Variants in SI observed in about 807,000 individuals in gnomAD.
The protein encoded by SI is sucrase-isomaltase.
In SI, 235 loss-of-function variants were observed where a neutral mutation model predicts 253.3. The ratio of observed to expected loss-of-function variants is 0.93; its 90% CI spans 0.83 to 1.03. The LOEUF (loss-of-function observed/expected upper bound fraction) is 1.03, where lower values mean the gene tolerates loss of function less well. SI is among the 50% of genes least tolerant of loss of function. SI has a pLI of 0.00. For synonymous variants in SI, 819 were observed against 712.0 expected, an observed-to-expected ratio of 1.15 and a Z score of -2.39; for missense variants, 2,442 against 2,211.1, an observed-to-expected ratio of 1.10 and a Z score of -2.09.
intron 21 of SI, among the ~76,000 whole-genome samples, chr3:165,037,680 A>G (rs895742774): frequency 5.9e-5 from 9 of 151,858 alleles, no homozygotes; most frequent in African/African-American, 2.2e-4. Flanking sequence ...CAGGAAGTTA[A>G]CTTCTAAGTA....
intron 13 of SI, among the ~76,000 whole-genome samples, chr3:165,051,505 T>A (rs1713427284): frequency 6.6e-6 from 1 of 152,068 alleles, no homozygotes; most frequent in Non-Finnish European, 1.5e-5. Context: ...TTAATAATGG[T>A]ATACCATAGT....
chr3:164,982,912 A>G (rs749405401), intron 46 of SI, 90 bp downstream of exon 46: 23 of 1,269,834 alleles, frequency 1.8e-5, no homozygotes, highest in Admixed American at 8.2e-5. Flanking sequence ...CAGCCTCCCA[A>G]TGAACTAGGA....
At chr3:165,016,255 G>A (rs1719021539) in intron 31 of SI, among the ~76,000 whole-genome samples, 175 bp from the exon 32 acceptor site, 1 of 151,968 alleles carries the variant, frequency 6.6e-6, no homozygotes, top group African/African-American at 2.4e-5. Flanking sequence ...ATGTAAAGAT[G>A]TAAAGTATTC....
upstream of SI, among the ~76,000 whole-genome samples, chr3:165,081,770 C>T (rs1715335623): frequency 6.6e-6 from 1 of 151,794 alleles, no homozygotes; most frequent in African/African-American, 2.4e-5. Flanking sequence ...AGTTCTTTCT[C>T]CTAGAAGACA....
chr3:164,980,705 A>G (rs1717140041), intron 47 of SI, among the ~76,000 whole-genome samples: 1 of 152,006 alleles, frequency 6.6e-6, no homozygotes, highest in East Asian at 1.9e-4. Flanking sequence ...AATGTTTTTA[A>G]AGAGAATAGA....
intron 37 of SI, among the ~76,000 whole-genome samples, chr3:164,999,342 A>G (rs1258945089): frequency 6.6e-6 from 1 of 151,646 alleles, no homozygotes; most frequent in Non-Finnish European, 1.5e-5. Flanking sequence ...AAAAATAAGT[A>G]TTTTTATATC....
At chr3:165,036,083 T>A (rs1389970888) in intron 22 of SI, among the ~76,000 whole-genome samples, 1 of 151,862 alleles carries the variant, frequency 6.6e-6, no homozygotes, top group African/African-American at 2.4e-5. Context: ...GTTGAAAATA[T>A]AATGCAATTA....
intron 33 of SI, among the ~76,000 whole-genome samples, chr3:165,014,247 G>T (rs6789556): frequency 0.27 from 41,235 of 150,446 alleles, 5,952 homozygotes; most frequent in Middle Eastern, 0.33. Flanking sequence ...ATTTTTTTTT[G>T]TTGTTGTTGT....
At chr3:164,988,713 G>T (rs572295242) in intron 44 of SI, among the ~76,000 whole-genome samples, 1 of 152,254 alleles carries the variant, frequency 6.6e-6, no homozygotes, top group South Asian at 2.1e-4. Context: ...CAGAGACAGG[G>T]TCCTCTAGAA....
At chr3:165,070,411 AAC>A (rs1714502551) in intron 3 of SI, among the ~76,000 whole-genome samples, 2 of 147,176 alleles carry the variant, frequency 1.4e-5, no homozygotes, top group Admixed American at 1.4e-4. Flanking sequence ...TTTATACCCA[AAC>A]ACACATATAC....
At chr3:165,052,016 T>G (rs1366171924) in intron 13 of SI, among the ~76,000 whole-genome samples, 2 of 152,064 alleles carry the variant, frequency 1.3e-5, no homozygotes, top group Non-Finnish European at 2.9e-5. Flanking sequence ...GCAAAATTTT[T>G]TTTCATAATT....
rs1162602008 is a variant in SI, at chr3:165,000,007, TA to T, written c.4407-1335del. Among the ~76,000 whole-genome samples the T allele has an allele frequency of 5.9e-5, 9 of 151,380 alleles. No individual in the cohort carries two copies. In the South Asian group the frequency reaches 6.2e-4, roughly 10 times the overall value. On this transcript the variant is annotated intron_variant, in intron 37 of 47. Coordinates refer to ENST00000264382, the MANE Select transcript of SI (RefSeq NM_001041.4). ...TAATCTTTTAAATATACATTACATA[TA>T]TTTTTTTGAAATTTAATAAGAAATA...
At chr3:165,060,594 C>T (rs1278741367) in intron 9 of SI, among the ~76,000 whole-genome samples, 1 of 151,690 alleles carries the variant, frequency 6.6e-6, no homozygotes, top group Non-Finnish European at 1.5e-5. Context: ...TTCATTTCTT[C>T]CTCCTGGGGA....
At chr3:165,020,558 A>T (rs1051781676) in intron 27 of SI, among the ~76,000 whole-genome samples, 5 of 151,726 alleles carry the variant, frequency 3.3e-5, no homozygotes. Flanking sequence ...AAATATTGTC[A>T]TAACAACAAA....
At chr3:164,980,561 A>C (rs1717133694) in intron 47 of SI, among the ~76,000 whole-genome samples, 1 of 151,966 alleles carries the variant, frequency 6.6e-6, no homozygotes. Context: ...GATTACTCAT[A>C]AATACTGAGT....
intron 2 of SI, 131 bp from the exon 3 acceptor site, chr3:165,074,798 C>A (rs1174413525): frequency 1.3e-6 from 1 of 761,774 alleles, no homozygotes; most frequent in Non-Finnish European, 2.1e-6. Flanking sequence ...ATAAATTTTG[C>A]ATTTAAAAAG....
chr3:164,980,136 T>A (rs905593774), intron 47 of SI, among the ~76,000 whole-genome samples: 1 of 151,676 alleles, frequency 6.6e-6, no homozygotes, highest in South Asian at 2.1e-4. Flanking sequence ...GAAGGGGAGG[T>A]GAATCCTTTA....
At chr3:165,083,865 A>G in the SI span, among the ~76,000 whole-genome samples, 1 of 152,078 alleles carries the variant, frequency 6.6e-6, no homozygotes, top group Non-Finnish European at 1.5e-5. Context: ...AAAGGATTAT[A>G]ATATCATTAT....
intron 44 of SI, 152 bp from the exon 45 acceptor site, chr3:164,987,378 T>TATTTCTTATGTTAA (rs1218839267): frequency 1.5e-6 from 1 of 668,016 alleles, no homozygotes; most frequent in Non-Finnish European, 2.6e-6. Context: ...TTTCCATTTT[T>TATTTCTTATGTTAA]CTAAATTAGT....
Sources: allele counts gnomAD v4.1 joint callset (sites outside exome capture counted in the v4.1 genomes callset), GRCh38; gene constraint gnomAD v4.1.1; transcripts MANE v1.5; gene names NCBI Gene and HGNC (gene_info 2026-07-23, HGNC 2026-07-21).